WBP1L: variants seen among roughly 807,000 people sequenced by gnomAD.
The protein encoded by WBP1L is WW domain binding protein 1 like, also known as WW domain binding protein 1-like.
Under a neutral mutation model 33.7 loss-of-function variants are expected in WBP1L, and 17 were observed. The observed-to-expected ratio is 0.50, with a 90% confidence interval of 0.34 to 0.76. The LOEUF (loss-of-function observed/expected upper bound fraction) is 0.76, where lower values mean the gene tolerates loss of function less well. Among genes scored for constraint, WBP1L ranks in the 30% least tolerant of loss-of-function variants. The pLI is 0.01. For missense variants in WBP1L, 389 were observed against 469.4 expected (o/e 0.83, Z 1.58); for synonymous variants, 173 against 190.8 (o/e 0.91, Z 0.77).
Position 102,814,687 on chromosome 10 carries a change from A to C in WBP1L, c.*1356A>C, listed in dbSNP as rs1296949631. 6.6e-6 allele frequency: 1 copy of C among 150,968 alleles called. No homozygotes were observed. The highest frequency in any genetic ancestry group is 2.4e-5 in the African/African-American group (1 of 40,836). The allele number at this position is 150,968 out of a possible 1,614,324, so 9.4% of individuals were successfully genotyped here. On this transcript the variant is annotated 3_prime_UTR_variant, in exon 4 of 4. Transcript: ENST00000448841. ...AGCAGCCATCCGGAAGGCCCTGGGG[A>C]CCCTTGTGCCTGTTGCTCGCCTTCA...
At position 102,744,093 on chromosome 10, in the gene WBP1L, C is replaced by T; in HGVS notation, c.40C>T (p.Leu14Phe). The change falls in exon 1 of 4, where the codon CTC becomes TTC. Residue 14 changes from leucine to phenylalanine, a missense_variant. Transcript: ENST00000448841. Reference protein sequence around the residue: ...RRLLGGMALLLLQALPSPLSA... With the variant: ...RRLLGGMALLFLQALPSPLSA... Reference sequence around the variant, plus strand: ...GCTCCTGGGTGGCATGGCGCTCCTGCTCCTCCAGGCGCTGCCCAGCCCCTT... The same window carrying T: ...GCTCCTGGGTGGCATGGCGCTCCTGTTCCTCCAGGCGCTGCCCAGCCCCTT... 2 of 1,552,042 alleles carry T rather than the reference C, an allele frequency of 1.3e-6. No homozygotes were observed. The highest frequency in any genetic ancestry group is 1.7e-6 in the Non-Finnish European group (2 of 1,148,156).
At chr10:102,793,516 T>C (rs1272619814) in intron 1 of WBP1L, among the ~76,000 whole-genome samples, 1 of 152,190 alleles carries the variant, frequency 6.6e-6, no homozygotes, top group Admixed American at 6.5e-5. Flanking sequence ...ATTTGACCTT[T>C]CCATTGCATT....
intron 1 of WBP1L, among the ~76,000 whole-genome samples, chr10:102,773,800 G>A (rs995553051): frequency 1.8e-4 from 28 of 151,722 alleles, no homozygotes; most frequent in African/African-American, 6.3e-4. Flanking sequence ...TTGGGAGGAT[G>A]AGGCAGGAGG....
intron 1 of WBP1L, among the ~76,000 whole-genome samples, chr10:102,780,986 GA>G (rs1843327431): frequency 1.3e-5 from 2 of 152,208 alleles, no homozygotes; most frequent in Non-Finnish European, 2.9e-5. Context: ...CCTGATACTG[GA>G]AATGAATAAT....
At chr10:102,760,368 CTTTCTTTCTT>C (rs1414229737) in intron 1 of WBP1L, among the ~76,000 whole-genome samples, 4 of 91,668 alleles carry the variant, frequency 4.4e-5, no homozygotes, top group African/African-American at 1.9e-4. Flanking sequence ...TTCTTTCTTT[CTTTCTTTCTT>C]TTTTTTTTTT....
intron 1 of WBP1L, among the ~76,000 whole-genome samples, chr10:102,781,837 G>A (rs1843340481): frequency 7.2e-6 from 1 of 138,296 alleles, no homozygotes; most frequent in Non-Finnish European, 1.5e-5. Context: ...GAAAGGTGGT[G>A]CTTACGCAAG....
chr10:102,810,369 CCCTTCCTT>C (rs1416267647), intron 3 of WBP1L, among the ~76,000 whole-genome samples: 3 of 130,090 alleles, frequency 2.3e-5, no homozygotes, highest in African/African-American at 8.9e-5. Context: ...CTTCCTCCCT[CCCTTCCTT>C]CCTCCCTCCC....
chr10:102,745,637 C>T (rs1842856393), intron 1 of WBP1L, among the ~76,000 whole-genome samples: 1 of 152,206 alleles, frequency 6.6e-6, no homozygotes, highest in Non-Finnish European at 1.5e-5. Context: ...ACTAGTACTT[C>T]ATTCCTGTTC....
intron 1 of WBP1L, among the ~76,000 whole-genome samples, chr10:102,784,934 T>A (rs982355216): frequency 6.7e-6 from 1 of 150,286 alleles, no homozygotes; most frequent in African/African-American, 2.5e-5. Flanking sequence ...TGGAGTGCAA[T>A]GGCACGATCT....
At chr10:102,755,545 C>G (rs1324715494) in intron 1 of WBP1L, among the ~76,000 whole-genome samples, 1 of 151,790 alleles carries the variant, frequency 6.6e-6, no homozygotes, top group East Asian at 2.0e-4. Context: ...GCACACACTA[C>G]TATGCCTGGC....
chr10:102,744,985 G>A (rs185660704), intron 1 of WBP1L, among the ~76,000 whole-genome samples: 3 of 152,316 alleles, frequency 2.0e-5, no homozygotes, highest in Non-Finnish European at 2.9e-5. Flanking sequence ...TAATGGGAGC[G>A]TTACTCCTGG....
At position 102,803,935 on chromosome 10, in the gene WBP1L, A is replaced by G. The variant is rs577722142; in HGVS notation, c.193+5840A>G. On this transcript the variant is annotated intron_variant, in intron 2 of 3. Coordinates refer to ENST00000448841, the MANE Select transcript of WBP1L (RefSeq NM_001083913.2). ...TTTTAAAGTTTTCTTCTTTGTGCTT[A>G]CTTCAGCAGCACCTATACTAAAATT... 7.2e-5 allele frequency: 11 copies of G among 152,148 alleles called. No homozygotes were observed. The East Asian group carries it at 2.1e-3, about 29-fold the overall frequency. 9.4% of individuals were successfully genotyped at this position (152,148 alleles called of 1,614,324 possible). A position where few individuals can be genotyped will look rare whatever the true frequency, so the allele number is the denominator to read the frequency against.
intron 1 of WBP1L, among the ~76,000 whole-genome samples, chr10:102,751,164 C>G (rs1842921064): frequency 6.6e-6 from 1 of 152,050 alleles, no homozygotes; most frequent in Non-Finnish European, 1.5e-5. Flanking sequence ...CCATGCCTAG[C>G]TAACTTTTGT....
intron 1 of WBP1L, among the ~76,000 whole-genome samples, chr10:102,775,117 CAAAAAAAAA>C (rs59486422): frequency 1.0e-4 from 10 of 97,288 alleles, no homozygotes; most frequent in African/African-American, 3.5e-4. Flanking sequence ...GACCCTATCT[CAAAAAAAAA>C]AAAAAAAAAA....
intron 3 of WBP1L, 130 bp from the exon 4 acceptor site, chr10:102,812,465 G>A: frequency 1.8e-6 from 2 of 1,125,476 alleles, no homozygotes; most frequent in Non-Finnish European, 2.5e-6. Context: ...TCACAACCAA[G>A]AGCTGTAGCC....
chr10:102,792,340 C>G (rs1046219867), intron 1 of WBP1L, among the ~76,000 whole-genome samples: 24 of 152,202 alleles, frequency 1.6e-4, no homozygotes, highest in Non-Finnish European at 2.9e-4. Flanking sequence ...ACAAGTTGTA[C>G]ATTTCTAGCT....
chr10:102,809,406 C>G (rs1843793034), intron 2 of WBP1L, among the ~76,000 whole-genome samples: 1 of 147,362 alleles, frequency 6.8e-6, no homozygotes, highest in African/African-American at 2.5e-5. Flanking sequence ...GAGTCTTGCT[C>G]TGTCGCCCAG....
chr10:102,805,371 T>C (rs996584601), intron 2 of WBP1L, among the ~76,000 whole-genome samples: 1 of 152,160 alleles, frequency 6.6e-6, no homozygotes, highest in African/African-American at 2.4e-5. Context: ...TTGGTTTACC[T>C]TTAGGTAGAG....
At chr10:102,750,051 G>T (rs1439430597) in intron 1 of WBP1L, among the ~76,000 whole-genome samples, 3 of 151,444 alleles carry the variant, frequency 2.0e-5, no homozygotes, top group Non-Finnish European at 4.4e-5. Flanking sequence ...CAAAGTGTTG[G>T]GATTACAGGC....
Sources: gnomAD v4.1 joint callset for allele counts (sites outside exome capture counted in the v4.1 genomes callset) on GRCh38, gnomAD v4.1.1 for gene constraint, MANE v1.5 for transcripts, NCBI Gene and HGNC (gene_info 2026-07-23, HGNC 2026-07-21) for gene names.